Variants in ARID1A observed in about 807,000 individuals in gnomAD.
The protein encoded by ARID1A is AT-rich interaction domain 1A.
ARID1A carries 20 observed loss-of-function variants against 212.6 expected under a neutral mutation model. The ratio of observed to expected loss-of-function variants is 0.09; its 90% CI spans 0.07 to 0.14. The LOEUF is 0.14. Among genes scored for constraint, ARID1A ranks in the 10% least tolerant of loss-of-function variants. The pLI, the probability that ARID1A is intolerant of heterozygous loss-of-function variation, is 1.00. For synonymous variants in ARID1A, 1,376 were observed against 1,222.1 expected (o/e 1.13, Z -2.63); for missense variants, 2,587 against 3,059.0 (o/e 0.85, Z 3.64).
At chr1:26,745,772 G>A (rs1424223480) in intron 4 of ARID1A, among the ~76,000 whole-genome samples, 1 of 152,140 alleles carries the variant, frequency 6.6e-6, no homozygotes, top group Non-Finnish European at 1.5e-5. Context: ...AGAAAAGGCC[G>A]CAGGCACGGT....
In ARID1A at chr1:26,760,968, A is replaced by G; in HGVS notation, c.2033A>G (p.Gln678Arg). Residue 678 changes from glutamine to arginine, a missense_variant, in exon 5 of 20, where the codon CAG (glutamine) becomes CGG (arginine). Coordinates refer to ENST00000324856, the MANE Select transcript of ARID1A (RefSeq NM_006015.6). The stretch of plus-strand genomic sequence containing the variant: ...CAAGGAGAGCAGAGTAATCCAGCTC[A>G]GTCTCCTTTCTCTCCTCATACCTCC... ...SSQGEQSNPA[Q>R]SPFSPHTSPH... The G allele has an allele frequency of 1.2e-6, 2 of 1,614,104 alleles. No homozygotes were observed. Among genetic ancestry groups the G allele is most frequent in the Non-Finnish European group, 1.7e-6 (2 of 1,180,024 alleles).
rs1167372383 is a variant in ARID1A, at chr1:26,696,729, C to T, written c.326C>T (p.Pro109Leu). The T allele has an allele frequency of 2.2e-6, 3 of 1,376,144 alleles. No individual in the cohort carries two copies. The highest frequency in any genetic ancestry group is 3.1e-5 in the East Asian group (1 of 32,408). The allele number at this position is 1,376,144 out of a possible 1,614,324, so 85.2% of individuals were successfully genotyped here. A position where few individuals can be genotyped will look rare whatever the true frequency, so the allele number is the denominator to read the frequency against. ...DLKNSNGNAG[P>L]RPALNNNLTE... The stretch of plus-strand genomic sequence containing the variant: ...AAGAACTCGAACGGGAACGCGGGCC[C>T]TAGGCCCGCCCTGAACAATAACCTC... Residue 109 changes from proline to leucine, a missense_variant, in exon 1 of 20, where the codon CCT (proline) becomes CTT (leucine). By Grantham distance (98) the Pro-to-Leu change is moderately conservative. Coordinates refer to ENST00000324856, the MANE Select transcript of ARID1A (RefSeq NM_006015.6).
chr1:26,710,490 TACATACACACACACACAC>T (rs976758040), intron 1 of ARID1A, among the ~76,000 whole-genome samples: 29 of 9,704 alleles, frequency 3.0e-3, no homozygotes, highest in African/African-American at 8.5e-3. Flanking sequence ...AATAAAATAA[TACATACACACACACACAC>T]ACACACACAC....
chr1:26,779,084 G>GTCGCCGTAT lies in ARID1A; in HGVS notation c.5186_5187insTCGCCGTAT (p.Gly1729_Ile1730insArgArgIle). The GTCGCCGTAT allele has an allele frequency of 6.6e-7, 1 of 1,515,950 alleles. No homozygotes were observed. The highest frequency in any genetic ancestry group is 8.8e-7 in the Non-Finnish European group (1 of 1,131,994). 93.9% of individuals were successfully genotyped at this position (1,515,950 alleles called of 1,614,324 possible). A position where few individuals can be genotyped will look rare whatever the true frequency, so the allele number is the denominator to read the frequency against. ...CGACGATGCCTGATTGAGATCTTTG[G>GTCGCCGTAT]CATTTTAAAGGAGTATGAGGTGGGT... On this transcript the variant is annotated inframe_insertion, in exon 20 of 20. Transcript: ENST00000324856.
rs2080247442 is a variant in ARID1A, at chr1:26,696,125, G to C, written c.-279G>C. The stretch of plus-strand genomic sequence containing the variant: ...GGCAAGGGCTTGGGGGGAATGAGCC[G>C]GGAGAGCCGGGTCCCGAGCCTACAG... On this transcript the variant is annotated 5_prime_UTR_variant, in exon 1 of 20. Coordinates refer to ENST00000324856, the MANE Select transcript of ARID1A (RefSeq NM_006015.6). The C allele has an allele frequency of 2.1e-6, 1 of 466,310 alleles. No individual in the cohort carries two copies. The highest frequency in any genetic ancestry group is 3.1e-6 in the Non-Finnish European group (1 of 327,560). The allele number at this position is 466,310 out of a possible 1,614,324, so 28.9% of individuals were successfully genotyped here. A position where few individuals can be genotyped will look rare whatever the true frequency, so the allele number is the denominator to read the frequency against.
Position 26,732,692 on chromosome 1 carries a change from C to T in ARID1A, c.1820C>T (p.Ser607Leu), listed in dbSNP as rs1010301017. Residue 607 changes from serine (S) to leucine (L), a missense_variant, in exon 4 of 20, where the codon TCA becomes TTA. By Grantham distance (145) the Ser-to-Leu change is moderately radical (BLOSUM62 -2). This residue lies in a region of ARID1A where 674 missense variants were observed against 813.4 expected (regional missense o/e 0.83). Coordinates refer to ENST00000324856, the MANE Select transcript of ARID1A (RefSeq NM_006015.6). ...FPPPQELSQDSFGSQASSAPS... is the reference protein window; with the variant it reads ...FPPPQELSQDLFGSQASSAPS... ...TTGTTGTAGGAGCTATCTCAAGATT[C>T]ATTTGGGTCTCAGGCATCCTCAGCC... 1.2e-5 allele frequency: 19 copies of T among 1,613,534 alleles called. No homozygotes were observed. Among genetic ancestry groups the T allele is most frequent in the Non-Finnish European group, 1.4e-5 (17 of 1,179,678 alleles).
At position 26,756,594 on chromosome 1, in the gene ARID1A, A is replaced by G. The variant is rs555418965; in HGVS notation, c.1921-4262A>G. 2.0e-5 allele frequency among the ~76,000 whole-genome samples: 3 copies of G among 150,704 alleles called. No individual in the cohort carries two copies. The East Asian group carries it at 5.8e-4, about 29-fold the overall frequency. ...AAAAAAAAAACAAAAAAACACACAC[A>G]AAAAAAAACCCACAAAGATACACAC... On this transcript the variant is annotated intron_variant, in intron 4 of 19. Coordinates refer to ENST00000324856, the MANE Select transcript of ARID1A (RefSeq NM_006015.6).
Position 26,696,403 on chromosome 1 carries a change from C to T in ARID1A, c.-1C>T, listed in dbSNP as rs772795947. 7 of 1,277,984 alleles carry T rather than the reference C, an allele frequency of 5.5e-6. No homozygotes were observed. The highest frequency in any genetic ancestry group is 2.4e-5 in the South Asian group (1 of 41,252). 79.2% of individuals were successfully genotyped at this position (1,277,984 alleles called of 1,614,324 possible). On this transcript the variant is annotated 5_prime_UTR_variant, in exon 1 of 20. Coordinates refer to ENST00000324856, the MANE Select transcript of ARID1A (RefSeq NM_006015.6). ...TCTCCGCGGACGAGACAGCGGGGAT[C>T]ATGGCCGCGCAGGTCGCCCCCGCCG...
Position 26,696,181 on chromosome 1 carries a change from GGCCGCC to G in ARID1A, c.-213_-208del, listed in dbSNP as rs878886611. On this transcript the variant is annotated 5_prime_UTR_variant, in exon 1 of 20. Coordinates refer to ENST00000324856, the MANE Select transcript of ARID1A (RefSeq NM_006015.6). ...GGAGCAGCTGAGCCGCCGGCGCCTC[GGCCGCC>G]GCCGCCGCCTCCTCCTCCTCCGCCG... 5 of 613,588 alleles carry G rather than the reference GGCCGCC, an allele frequency of 8.1e-6. No homozygotes were observed. Among genetic ancestry groups the G allele is most frequent in the African/African-American group, 2.0e-5 (1 of 51,152 alleles). 38.0% of individuals were successfully genotyped at this position (613,588 alleles called of 1,614,324 possible). A position where few individuals can be genotyped will look rare whatever the true frequency, so the allele number is the denominator to read the frequency against.
chr1:26,757,115 T>G (rs1341904323), intron 4 of ARID1A, among the ~76,000 whole-genome samples: 1 of 151,778 alleles, frequency 6.6e-6, no homozygotes, highest in Non-Finnish European at 1.5e-5. Context: ...CTCAGGAGGC[T>G]GAGGCAGGAG....
At chr1:26,707,200 ATTTTTTTT>A (rs751639614) in intron 1 of ARID1A, among the ~76,000 whole-genome samples, 16 of 102,612 alleles carry the variant, frequency 1.6e-4, no homozygotes, top group African/African-American at 4.2e-4. Flanking sequence ...CGGCTGGCTA[ATTTTTTTT>A]TTTTTTTTTT....
rs1191962249 is a variant in ARID1A at position 26,780,364 on chromosome 1, A to C, written c.6466A>C (p.Ser2156Arg). ...KLYSTMVRFL[S>R]DRKNPVCREM... ...GTATAGCACTATGGTGCGCTTCCTCAGTGACCGAAAGAACCCGGTGTGCCG... is the reference window on the plus strand; with the variant it reads ...GTATAGCACTATGGTGCGCTTCCTCCGTGACCGAAAGAACCCGGTGTGCCG... The change falls in exon 20 of 20, where the codon AGT (serine) becomes CGT (arginine). Residue 2156 changes from serine (S) to arginine (R), a missense_variant. Ser to Arg is a moderately radical substitution (Grantham distance 110). Transcript: ENST00000324856. The surrounding 1 kb of genome is among the most constrained non-coding windows in gnomAD (Gnocchi z 7.2). 1 of 1,614,212 alleles carries C rather than the reference A, an allele frequency of 6.2e-7. No homozygotes were observed. The highest frequency in any genetic ancestry group is 8.5e-7 in the Non-Finnish European group (1 of 1,180,018).
rs775551378 is a variant in ARID1A, at chr1:26,780,543, C to T, written c.6645C>T (p.Leu2215=). 6.2e-7 allele frequency: 1 copy of T among 1,614,202 alleles called. No individual in the cohort carries two copies. Among genetic ancestry groups the T allele is most frequent in the Non-Finnish European group, 8.5e-7 (1 of 1,180,010 alleles). ...ATQFQQSQAS[L]LHMQNPPFEP... ...AGTTCCAGCAGAGCCAGGCCAGCCT[C>T]CTCCACATGCAGAACCCACCCTTTG... The change falls in exon 20 of 20, where the codon CTC becomes CTT. Residue 2215 remains leucine, a synonymous_variant. Coordinates refer to ENST00000324856, the MANE Select transcript of ARID1A (RefSeq NM_006015.6). This position sits in a 1 kb window ranked among gnomAD's most constrained non-coding sequence, Gnocchi z 7.2.
chr1:26,773,791 G>A lies in ARID1A; in HGVS notation c.4005-11G>A, dbSNP rs2124114343. 6.2e-7 allele frequency: 1 copy of A among 1,614,134 alleles called. No homozygotes were observed. Among genetic ancestry groups the A allele is most frequent in the East Asian group, 2.2e-5 (1 of 44,884 alleles). ...GCCCACCCTAATCCTGTGTTTCTTTGCCTCCTATAGACATGATTCCTATGG... is the reference window on the plus strand; with the variant it reads ...GCCCACCCTAATCCTGTGTTTCTTTACCTCCTATAGACATGATTCCTATGG... On this transcript the variant is annotated splice_polypyrimidine_tract_variant and intron_variant, in intron 16 of 19. Transcript: ENST00000324856.
chr1:26,739,209 T>A (rs1557596898), intron 4 of ARID1A, among the ~76,000 whole-genome samples: 1 of 152,216 alleles, frequency 6.6e-6, no homozygotes, highest in Admixed American at 6.5e-5. Flanking sequence ...CTTTTCTTAC[T>A]GAGACACATT....
In ARID1A at chr1:26,774,746, A is replaced by C. The variant is rs1195906741; in HGVS notation, c.4519A>C (p.Asn1507His). Residue 1507 changes from asparagine to histidine, a missense_variant, in exon 18 of 20, where the codon AAT (asparagine) becomes CAT (histidine). Coordinates refer to ENST00000324856, the MANE Select transcript of ARID1A (RefSeq NM_006015.6). The surrounding 1 kb of genome is among the most constrained non-coding windows in gnomAD (Gnocchi z 5.6). ...GCAGGGGCGTAATGACATGACCTAT[A>C]ATTATGCCAACAGGCAGAGCACGGG... ...MWQGRNDMTYNYANRQSTGSA... is the reference protein window; with the variant it reads ...MWQGRNDMTYHYANRQSTGSA... 6 of 1,614,158 alleles carry C rather than the reference A, an allele frequency of 3.7e-6. No individual in the cohort carries two copies. The highest frequency in any genetic ancestry group is 4.2e-6 in the Non-Finnish European group (5 of 1,180,022).
chr1:26,771,483 A>G lies in ARID1A; in HGVS notation c.3406+157A>G, dbSNP rs921172604. 18 of 755,828 alleles carry G rather than the reference A, an allele frequency of 2.4e-5. No homozygotes were observed. The highest frequency in any genetic ancestry group is 1.9e-4 in the East Asian group (7 of 37,026). 46.8% of individuals were successfully genotyped at this position (755,828 alleles called of 1,614,324 possible). A position where few individuals can be genotyped will look rare whatever the true frequency, so the allele number is the denominator to read the frequency against. The stretch of plus-strand genomic sequence containing the variant: ...GGCTTAACAGGTTGGCTGACTAGAG[A>G]GTGGGCAGTGGAAACTCCCTTGGGA... On this transcript the variant is annotated intron_variant, in intron 12 of 19. Coordinates refer to ENST00000324856, the MANE Select transcript of ARID1A (RefSeq NM_006015.6). This position sits in a 1 kb window ranked among gnomAD's most constrained non-coding sequence, Gnocchi z 5.4.
chr1:26,731,660 G>A (rs1164267753), intron 3 of ARID1A, 56 bp downstream of exon 3: 1 of 1,570,440 alleles, frequency 6.4e-7, no homozygotes, highest in Non-Finnish European at 8.7e-7. Context: ...CAGCTTGGGG[G>A]TTAGTGTCAT....
At chr1:26,743,549 C>T (rs1296069898) in intron 4 of ARID1A, among the ~76,000 whole-genome samples, 3 of 151,794 alleles carry the variant, frequency 2.0e-5, no homozygotes, top group African/African-American at 7.3e-5. Context: ...AAAATTAGAA[C>T]ATTTGGCTGG....
Sources: gnomAD v4.1 joint callset for allele counts (sites outside exome capture counted in the v4.1 genomes callset) on GRCh38, gnomAD v4.1.1 for gene constraint, gnomAD v4.1.1 regional missense constraint, Gnocchi (gnomAD v3.1) non-coding constraint, MANE v1.5 for transcripts, NCBI Gene and HGNC (gene_info 2026-07-23, HGNC 2026-07-21) for gene names.